The following SCAPER variants were observed in gnomAD, a reference collection of about 807,000 sequenced individuals.
SCAPER encodes the protein S-phase cyclin A associated protein in the ER, also known as S phase cyclin A-associated protein in the endoplasmic reticulum.
A neutral mutation model predicts 182.2 loss-of-function variants in SCAPER; 98 were observed. The ratio of observed to expected loss-of-function variants is 0.54; its 90% CI spans 0.46 to 0.64. The LOEUF (loss-of-function observed/expected upper bound fraction) is 0.64. Ranked by LOEUF, SCAPER falls within the 30% of genes least tolerant of loss-of-function variation. The pLI is 0.00. For synonymous variants in SCAPER, 605 were observed against 564.6 expected (o/e 1.07, Z -1.01); for missense variants, 1,432 against 1,690.0 (o/e 0.85, Z 2.68).
At chr15:76,382,527 C>G (rs944483088) in intron 27 of SCAPER, among the ~76,000 whole-genome samples, 1 of 151,980 alleles carries the variant, frequency 6.6e-6, no homozygotes, top group South Asian at 2.1e-4. Flanking sequence ...TGTGAAGCAT[C>G]TAGAGGCCAA....
intron 23 of SCAPER, among the ~76,000 whole-genome samples, chr15:76,534,234 T>G (rs2043931390): frequency 6.6e-6 from 1 of 152,176 alleles, no homozygotes; most frequent in Admixed American, 6.5e-5. Flanking sequence ...CGACAAACAT[T>G]GTGCTGAAAT....
At chr15:76,820,407 C>A (rs926132058) in intron 5 of SCAPER, among the ~76,000 whole-genome samples, 2 of 152,026 alleles carry the variant, frequency 1.3e-5, no homozygotes, top group Admixed American at 1.3e-4. Context: ...TACTATGCAG[C>A]CACAAAAAAT....
intron 5 of SCAPER, among the ~76,000 whole-genome samples, chr15:76,840,355 G>C (rs2069354102): frequency 6.6e-6 from 1 of 151,338 alleles, no homozygotes; most frequent in Non-Finnish European, 1.5e-5. Flanking sequence ...AGAAGGTCAA[G>C]GCTTCGTAAG....
intron 20 of SCAPER, among the ~76,000 whole-genome samples, chr15:76,667,625 C>CAAAAAAAAAAAAAAAAAAAAAAAA (rs775463270): frequency 1.5e-4 from 4 of 27,474 alleles, no homozygotes; most frequent in Non-Finnish European, 2.6e-4. Context: ...GACTCAGTCT[C>CAAAAAAAAAAAAAAAAAAAAAAAA]AAAAAAAAAA....
rs551969384 is a variant in SCAPER, at chr15:76,821,530, G to C, written c.394-16897C>G. On this transcript the variant is annotated intron_variant, in intron 5 of 31. Transcript: ENST00000563290. ...CCAGCTACTAGAGAGGCTGAGGTTG[G>C]GGGGGATCACTTGAGCCTGGGAAGT... 3.9e-5 allele frequency among the ~76,000 whole-genome samples: 6 copies of C among 152,208 alleles called. No individual in the cohort carries two copies. The South Asian group carries it at 1.0e-3, about 26-fold the overall frequency.
intron 25 of SCAPER, among the ~76,000 whole-genome samples, chr15:76,464,913 A>G (rs1484115947): frequency 6.6e-6 from 1 of 152,178 alleles, no homozygotes; most frequent in East Asian, 1.9e-4. Flanking sequence ...GATTTGTTTT[A>G]TAACAGCCAT....
chr15:76,592,251 A>C lies in SCAPER; in HGVS notation c.2712-17967T>G, dbSNP rs2049177677. Among the ~76,000 whole-genome samples, 2 of 124,508 alleles carry C rather than the reference A, an allele frequency of 1.6e-5. 1 individual carries two copies. Among genetic ancestry groups the C allele is most frequent in the Non-Finnish European group, 3.9e-5 (2 of 50,982 alleles). The allele number at this position is 124,508 out of a possible 152,430, so 81.7% of individuals were successfully genotyped here. ...AAATGGCATCTTAGAGGAAAGGAAGATATTTTAGAAATAAAGAGGCATTTC... is the reference window on the plus strand; with the variant it reads ...AAATGGCATCTTAGAGGAAAGGAAGCTATTTTAGAAATAAAGAGGCATTTC... On this transcript the variant is annotated intron_variant, in intron 22 of 31. Coordinates refer to ENST00000563290, the MANE Select transcript of SCAPER (RefSeq NM_020843.4).
At position 76,551,497 on chromosome 15, in the gene SCAPER, T is replaced by A. The variant is rs563706137; in HGVS notation, c.2838+22661A>T. On this transcript the variant is annotated intron_variant, in intron 23 of 31. Coordinates refer to ENST00000563290, the MANE Select transcript of SCAPER (RefSeq NM_020843.4). ...TGTATGACCTCATTCATTTGTGGAA[T>A]CTAAAAAAACAGATTTCACAGATGT... Among the ~76,000 whole-genome samples, 86 of 152,164 alleles carry A rather than the reference T, an allele frequency of 5.7e-4. No individual in the cohort carries two copies. In the South Asian group the frequency reaches 0.017, roughly 31 times the overall value.
At chr15:76,638,919 T>G (rs1013879972) in intron 21 of SCAPER, among the ~76,000 whole-genome samples, 3 of 152,216 alleles carry the variant, frequency 2.0e-5, no homozygotes, top group Non-Finnish European at 2.9e-5. Flanking sequence ...GGCAACCATT[T>G]TACAGATGAG....
intron 22 of SCAPER, among the ~76,000 whole-genome samples, chr15:76,576,562 A>C (rs1477336658): frequency 6.6e-6 from 1 of 152,206 alleles, no homozygotes; most frequent in Non-Finnish European, 1.5e-5. Flanking sequence ...TATCCACATA[A>C]AAAAGTACCT....
At chr15:76,472,523 G>T (rs2050269033) in intron 24 of SCAPER, among the ~76,000 whole-genome samples, 1 of 152,098 alleles carries the variant, frequency 6.6e-6, no homozygotes, top group Non-Finnish European at 1.5e-5. Context: ...CTGCCACCAT[G>T]CACGGCTAAT....
At chr15:76,462,783 T>C (rs368491589) in intron 25 of SCAPER, among the ~76,000 whole-genome samples, 5 of 152,274 alleles carry the variant, frequency 3.3e-5, no homozygotes, top group East Asian at 3.9e-4. Flanking sequence ...GAATTCTGAA[T>C]GTAGCTTTGA....
chr15:76,831,630 C>T (rs1050233437), intron 5 of SCAPER, among the ~76,000 whole-genome samples: 1 of 151,900 alleles, frequency 6.6e-6, no homozygotes. Context: ...GCCCCACCGC[C>T]GCACTGGTAC....
intron 22 of SCAPER, among the ~76,000 whole-genome samples, chr15:76,606,482 T>G (rs2145862952): frequency 6.6e-6 from 1 of 152,240 alleles, no homozygotes; most frequent in South Asian, 2.1e-4. Flanking sequence ...CTGAAAAGAA[T>G]GTATATTCTG....
chr15:76,575,574 T>C (rs11072600), intron 22 of SCAPER, among the ~76,000 whole-genome samples: 49,340 of 152,068 alleles, frequency 0.32, 8,265 homozygotes, highest in East Asian at 0.55. Context: ...ACACAGGATG[T>C]ATGCATGAGT....
At chr15:76,674,741 G>C (rs1009357829) in intron 20 of SCAPER, among the ~76,000 whole-genome samples, 1 of 152,070 alleles carries the variant, frequency 6.6e-6, no homozygotes, top group Non-Finnish European at 1.5e-5. Context: ...AAATTTCTAT[G>C]TTCTTAAAAT....
intron 8 of SCAPER, 108 bp from the exon 9 acceptor site, chr15:76,775,225 T>C: frequency 1.1e-6 from 1 of 949,184 alleles, no homozygotes; most frequent in Non-Finnish European, 1.5e-6. Context: ...CAAATATAAC[T>C]AATATACAAA....
At chr15:76,555,106 C>T (rs1320063918) in intron 23 of SCAPER, among the ~76,000 whole-genome samples, 2 of 152,058 alleles carry the variant, frequency 1.3e-5, no homozygotes, top group Non-Finnish European at 2.9e-5. Context: ...TTAAAAAAAA[C>T]TTCAATAAAG....
intron 23 of SCAPER, among the ~76,000 whole-genome samples, chr15:76,542,501 C>T (rs1386797852): frequency 6.7e-6 from 1 of 150,086 alleles, no homozygotes; most frequent in East Asian, 2.0e-4. Flanking sequence ...CCAGCCTGGG[C>T]GACAAGAGCG....
Sources: gnomAD v4.1 joint callset for allele counts (sites outside exome capture counted in the v4.1 genomes callset) on GRCh38, gnomAD v4.1.1 for gene constraint, MANE v1.5 for transcripts, NCBI Gene and HGNC (gene_info 2026-07-23, HGNC 2026-07-21) for gene names.